SEM1: variants seen among roughly 807,000 people sequenced by gnomAD.
The protein encoded by SEM1 is SEM1 26S proteasome subunit.
SEM1 carries 3 observed loss-of-function variants against 12.7 expected under a neutral mutation model. The observed-to-expected ratio is 0.24, with a 90% CI of 0.11 to 0.61. The LOEUF (loss-of-function observed/expected upper bound fraction) is 0.61, where lower values mean the gene tolerates loss of function less well. Ranked by LOEUF, SEM1 falls within the 20% of genes least tolerant of loss-of-function variation. SEM1 has a pLI of 0.88. For synonymous variants in SEM1, 30 were observed against 27.8 expected (o/e 1.08, Z -0.25); for missense variants, 59 against 81.3 (o/e 0.73, Z 1.06).
At chr7:96,596,591 A>G (rs538793462) in intron 2 of SEM1, among the ~76,000 whole-genome samples, 1 of 152,276 alleles carries the variant, frequency 6.6e-6, no homozygotes, top group South Asian at 2.1e-4. Context: ...AAAAGTGGTT[A>G]CCCGACTTAA....
chr7:96,619,869 C>T (rs1339271304), downstream of SEM1, among the ~76,000 whole-genome samples: 2 of 152,062 alleles, frequency 1.3e-5, no homozygotes, highest in African/African-American at 4.8e-5. Flanking sequence ...CACGTCAACT[C>T]GAACTTTGCC....
At chr7:96,484,081 G>A (rs1802656811) in intron 3 of SEM1, 2 of 1,179,296 alleles carry the variant, frequency 1.7e-6, no homozygotes, top group Non-Finnish European at 2.3e-6. Context: ...CAACCCTATA[G>A]GGTAGATCCA....
chr7:96,628,187 T>A (rs928431243), intron 2 of SEM1, among the ~76,000 whole-genome samples: 32 of 151,982 alleles, frequency 2.1e-4, no homozygotes, highest in African/African-American at 7.2e-4. Flanking sequence ...TTCTTGTAGG[T>A]GACAGATCAA....
intron 2 of SEM1, among the ~76,000 whole-genome samples, chr7:96,546,736 C>T (rs775175679): frequency 2.6e-5 from 4 of 152,008 alleles, no homozygotes; most frequent in Non-Finnish European, 5.9e-5. Context: ...TTCTACTCAC[C>T]CTTCTTTGTG....
intron 1 of SEM1, among the ~76,000 whole-genome samples, chr7:96,489,325 G>T (rs376302515): frequency 1.3e-5 from 2 of 152,142 alleles, no homozygotes; most frequent in African/African-American, 4.8e-5. Flanking sequence ...GACCTGGAGT[G>T]CTTGTTAAGC....
intron 1 of SEM1, among the ~76,000 whole-genome samples, chr7:96,698,923 A>G (rs1379312829): frequency 6.6e-6 from 1 of 152,192 alleles, no homozygotes; most frequent in Non-Finnish European, 1.5e-5. Flanking sequence ...CCTCTCCAGC[A>G]TAAATTTTTA....
intron 2 of SEM1, among the ~76,000 whole-genome samples, chr7:96,675,605 CA>C (rs1248710705): frequency 6.6e-6 from 1 of 152,278 alleles, no homozygotes; most frequent in Admixed American, 6.5e-5. Flanking sequence ...GGGGATAACT[CA>C]AATGGCGTGT....
chr7:96,566,171 G>A (rs4990847), intron 2 of SEM1, among the ~76,000 whole-genome samples: 145,313 of 151,636 alleles, frequency 0.96, 69,839 homozygotes, highest in Non-Finnish European at 0.99. Context: ...TAAACATACA[G>A]TATAATATGC....
At chr7:96,595,234 C>T (rs985869244) in intron 2 of SEM1, among the ~76,000 whole-genome samples, 9 of 151,926 alleles carry the variant, frequency 5.9e-5, no homozygotes, top group East Asian at 1.9e-4. Flanking sequence ...ATAGTTAGGC[C>T]GGGCACAGGG....
Position 96,509,036 on chromosome 7 carries a change from G to T in SEM1, c.171-2338C>A, listed in dbSNP as rs554557582. On this transcript the variant is annotated intron_variant and NMD_transcript_variant, in intron 2 of 3. Transcript: ENST00000466986. ...CAGTCTTGTTCTGTCACCCAGGCTG[G>T]AGTGCAGTGGCACAATCTCAGCTCA... is the stretch of plus-strand genomic sequence containing the variant. Among the ~76,000 whole-genome samples the T allele has an allele frequency of 1.2e-4, 18 of 151,028 alleles. No homozygotes were observed. The South Asian group carries it at 3.4e-3, about 28-fold the overall frequency.
chr7:96,522,477 C>G (rs982132560), intron 2 of SEM1, among the ~76,000 whole-genome samples: 2 of 151,474 alleles, frequency 1.3e-5, no homozygotes, highest in African/African-American at 4.9e-5. Flanking sequence ...GCATTTTTGC[C>G]TTCATAGTTC....
intron 2 of SEM1, among the ~76,000 whole-genome samples, chr7:96,531,425 AC>A (rs1383682553): frequency 5.0e-4 from 73 of 145,888 alleles, no homozygotes; most frequent in African/African-American, 1.8e-3. Context: ...AAAAAAAAAA[AC>A]AACAAAAAAA....
At chr7:96,684,544 C>G (rs938120302), downstream of SEM1, among the ~76,000 whole-genome samples, 1 of 152,030 alleles carries the variant, frequency 6.6e-6, no homozygotes, top group Admixed American at 6.6e-5. Flanking sequence ...AAGCACTGTA[C>G]TAACTACATG....
intron 1 of SEM1, among the ~76,000 whole-genome samples, chr7:96,487,190 CAATT>C (rs2117205581): frequency 6.7e-6 from 1 of 150,006 alleles, no homozygotes; most frequent in Admixed American, 6.6e-5. Context: ...ACACAGTAAT[CAATT>C]AATCAAGAAA....
intron 2 of SEM1, among the ~76,000 whole-genome samples, chr7:96,509,473 G>C (rs556877570): frequency 6.6e-6 from 1 of 152,140 alleles, no homozygotes; most frequent in Non-Finnish European, 1.5e-5. Context: ...CAGCATCAAT[G>C]TGGATTTTGA....
At chr7:96,493,375 A>G (rs1055355824) in intron 1 of SEM1, among the ~76,000 whole-genome samples, 3 of 152,146 alleles carry the variant, frequency 2.0e-5, no homozygotes, top group Admixed American at 2.0e-4. Flanking sequence ...TTTCTCGGTG[A>G]TACCAGCGTT....
chr7:96,630,549 G>A (rs1808218020), intron 2 of SEM1, among the ~76,000 whole-genome samples: 1 of 152,068 alleles, frequency 6.6e-6, no homozygotes, highest in African/African-American at 2.4e-5. Flanking sequence ...TCTGGCCCAG[G>A]GCAGGTCCAG....
At chr7:96,650,623 A>C in intron 2 of SEM1, 1 of 659,520 alleles carries the variant, frequency 1.5e-6, no homozygotes, top group Non-Finnish European at 2.7e-6. Context: ...CTTAGAATTT[A>C]AATGAAACCC....
chr7:96,547,581 T>C (rs1013030220), intron 2 of SEM1, among the ~76,000 whole-genome samples: 2 of 152,196 alleles, frequency 1.3e-5, no homozygotes, highest in Non-Finnish European at 2.9e-5. Flanking sequence ...AAGTGAGTCA[T>C]GTTTCACTGT....
Sources: gnomAD v4.1 joint callset for allele counts (sites outside exome capture counted in the v4.1 genomes callset) on GRCh38, gnomAD v4.1.1 for gene constraint, MANE v1.5 for transcripts, NCBI Gene and HGNC (gene_info 2026-07-23, HGNC 2026-07-21) for gene names.